The following PPP2R2B variants were observed in gnomAD, a reference collection of about 807,000 sequenced individuals.
The protein encoded by PPP2R2B is protein phosphatase 2 regulatory subunit Bbeta.
PPP2R2B carries 5 observed loss-of-function variants against 46.0 expected under a neutral mutation model. The observed-to-expected ratio is 0.11, with a 90% confidence interval of 0.06 to 0.23. PPP2R2B has a LOEUF of 0.23. Among genes scored for constraint, PPP2R2B ranks in the 10% least tolerant of loss-of-function variants. PPP2R2B has a pLI of 1.00. For synonymous variants in PPP2R2B, 215 were observed against 206.7 expected (o/e 1.04, Z -0.34); for missense variants, 367 against 575.0 (o/e 0.64, Z 3.70).
At chr5:146,924,555 GT>G (rs1763717004) in intron 1 of PPP2R2B, among the ~76,000 whole-genome samples, 1 of 152,180 alleles carries the variant, frequency 6.6e-6, no homozygotes, top group Admixed American at 6.6e-5. Flanking sequence ...ATGGGATACA[GT>G]AGCCTCTTGC....
rs147768502 is a variant in PPP2R2B at position 147,066,694 on chromosome 5, C to T, written c.50+14365G>A. ...TATTAGACAAATAAGAAAGATATGG[C>T]CCCTGTCTTAATGCCTTTCTTGGAC... is the stretch of plus-strand genomic sequence containing the variant. On this transcript the variant is annotated intron_variant, in intron 2 of 10. Coordinates refer to the PPP2R2B transcript ENST00000394413. Among the ~76,000 whole-genome samples, 277 of 152,292 alleles carry T rather than the reference C, an allele frequency of 1.8e-3. 1 individual carries two copies. Among genetic ancestry groups the T allele is most frequent in the African/African-American group, 6.4e-3 (266 of 41,560 alleles).
At chr5:146,803,952 G>T in intron 2 of PPP2R2B, among the ~76,000 whole-genome samples, 1 of 152,080 alleles carries the variant, frequency 6.6e-6, no homozygotes, top group East Asian at 1.9e-4. Flanking sequence ...CAGATCACAA[G>T]GTCAGGAGAT....
At chr5:146,972,182 A>G (rs1391634461) in intron 1 of PPP2R2B, among the ~76,000 whole-genome samples, 1 of 143,228 alleles carries the variant, frequency 7.0e-6, no homozygotes, top group Non-Finnish European at 1.5e-5. Context: ...GGTTTGTCAA[A>G]TATGTGTCTT....
intron 2 of PPP2R2B, among the ~76,000 whole-genome samples, chr5:146,874,813 G>T (rs1028389569): frequency 7.3e-5 from 11 of 151,642 alleles, no homozygotes; most frequent in African/African-American, 2.4e-4. Flanking sequence ...GAAACCTGGG[G>T]TTCCATATCT....
intron 2 of PPP2R2B, among the ~76,000 whole-genome samples, chr5:146,743,953 TGAGA>T (rs1355450601): frequency 6.6e-6 from 1 of 152,178 alleles, no homozygotes; most frequent in Non-Finnish European, 1.5e-5. Context: ...TATTTCCCAC[TGAGA>T]GAGAATCACA....
At chr5:146,814,299 C>A (rs936386134) in intron 2 of PPP2R2B, among the ~76,000 whole-genome samples, 3 of 151,730 alleles carry the variant, frequency 2.0e-5, no homozygotes, top group Non-Finnish European at 2.9e-5. Context: ...TGCTTTCTTC[C>A]CTTGTAGCTC....
chr5:146,839,274 A>G (rs1413480671), intron 2 of PPP2R2B, among the ~76,000 whole-genome samples: 2 of 152,218 alleles, frequency 1.3e-5, no homozygotes, highest in East Asian at 3.9e-4. Context: ...TAACCCCAGC[A>G]CTTACGGAGG....
At chr5:146,619,494 A>G (rs1336083478) in intron 7 of PPP2R2B, among the ~76,000 whole-genome samples, 2 of 152,074 alleles carry the variant, frequency 1.3e-5, no homozygotes, top group African/African-American at 4.8e-5. Context: ...ACAAAACCAT[A>G]AAGGGGCAAT....
chr5:146,977,069 C>T (rs1427043722), intron 1 of PPP2R2B, among the ~76,000 whole-genome samples: 2 of 152,144 alleles, frequency 1.3e-5, no homozygotes, highest in South Asian at 2.1e-4. Flanking sequence ...AATCTGGAGT[C>T]ATCCTTGAGT....
At chr5:146,704,785 C>T (rs532467030) in intron 2 of PPP2R2B, among the ~76,000 whole-genome samples, 1 of 152,158 alleles carries the variant, frequency 6.6e-6, no homozygotes, top group South Asian at 2.1e-4. Flanking sequence ...CTGGTAATTT[C>T]ATACATAAAG....
chr5:146,665,063 G>A (rs1239670436), intron 5 of PPP2R2B, among the ~76,000 whole-genome samples: 1 of 152,180 alleles, frequency 6.6e-6, no homozygotes, highest in East Asian at 1.9e-4. Context: ...TAGATTTAGT[G>A]TAATTCTTAA....
intron 2 of PPP2R2B, among the ~76,000 whole-genome samples, chr5:146,756,182 G>A (rs182134198): frequency 1.6e-4 from 24 of 152,160 alleles, no homozygotes; most frequent in East Asian, 3.9e-4. Flanking sequence ...AACATAAGCC[G>A]CTGTTCCATA....
At chr5:146,849,630 C>T (rs539462067) in intron 2 of PPP2R2B, among the ~76,000 whole-genome samples, 2 of 152,172 alleles carry the variant, frequency 1.3e-5, no homozygotes, top group East Asian at 1.9e-4. Flanking sequence ...GCAAACAGTA[C>T]AAGAGGGTGC....
chr5:146,660,314 T>C (rs976215424), intron 5 of PPP2R2B, among the ~76,000 whole-genome samples: 1 of 152,222 alleles, frequency 6.6e-6, no homozygotes, highest in Non-Finnish European at 1.5e-5. Flanking sequence ...TTTTAAAAAA[T>C]ATGCATCTTA....
chr5:146,716,728 T>C (rs1288277072), intron 2 of PPP2R2B, among the ~76,000 whole-genome samples: 1 of 152,150 alleles, frequency 6.6e-6, no homozygotes, highest in Non-Finnish European at 1.5e-5. Flanking sequence ...CCTTCCCTTC[T>C]AACACCCAGT....
chr5:146,713,939 G>C (rs1780343132), intron 2 of PPP2R2B, among the ~76,000 whole-genome samples: 1 of 152,086 alleles, frequency 6.6e-6, no homozygotes, highest in South Asian at 2.1e-4. Flanking sequence ...GATTGAGCTG[G>C]TGATATAAAT....
At chr5:146,803,784 C>T (rs1757006903) in intron 2 of PPP2R2B, among the ~76,000 whole-genome samples, 1 of 152,186 alleles carries the variant, frequency 6.6e-6, no homozygotes, top group South Asian at 2.1e-4. Context: ...TATTTTGCAT[C>T]TCTAGACCTT....
At chr5:146,833,955 G>C (rs1302579051) in intron 2 of PPP2R2B, among the ~76,000 whole-genome samples, 1 of 152,144 alleles carries the variant, frequency 6.6e-6, no homozygotes, top group African/African-American at 2.4e-5. Context: ...ATTAAGAAGT[G>C]ACTGCCACTT....
At chr5:147,051,400 A>C (rs952378739) in intron 1 of PPP2R2B, among the ~76,000 whole-genome samples, 2 of 152,166 alleles carry the variant, frequency 1.3e-5, no homozygotes, top group African/African-American at 4.8e-5. Flanking sequence ...CATGGTGCTG[A>C]AGCTGCTTCT....
Sources: gnomAD v4.1 joint callset for allele counts (sites outside exome capture counted in the v4.1 genomes callset) on GRCh38, gnomAD v4.1.1 for gene constraint, MANE v1.5 for transcripts, NCBI Gene and HGNC (gene_info 2026-07-23, HGNC 2026-07-21) for gene names.